Variants in PRMT1 observed in about 807,000 individuals in gnomAD.
PRMT1 encodes the protein protein arginine methyltransferase 1.
PRMT1 carries 5 observed loss-of-function variants against 47.4 expected under a neutral mutation model. That is an observed-to-expected ratio of 0.11 (90% CI 0.06 to 0.22). The LOEUF (loss-of-function observed/expected upper bound fraction) is 0.22. Ranked by LOEUF, PRMT1 falls within the 10% of genes least tolerant of loss-of-function variation. The probability of loss-of-function intolerance (pLI) is 1.00; values close to 1 mark genes in which losing one functional copy is unlikely to be tolerated. For missense variants in PRMT1, 249 were observed against 518.4 expected, an observed-to-expected ratio of 0.48 and a Z score of 5.05; for synonymous variants, 227 against 204.6, an observed-to-expected ratio of 1.11 and a Z score of -0.94.
At chr19:49,683,271 G>A (rs933196524) in intron 5 of PRMT1, among the ~76,000 whole-genome samples, 2 of 152,038 alleles carry the variant, frequency 1.3e-5, no homozygotes, top group Non-Finnish European at 2.9e-5. Flanking sequence ...TCCATTTGAA[G>A]CAAATTCCCA....
rs1395316471 is a variant in PRMT1, at chr19:49,681,064, T to A, written c.192+476T>A. ...ATATGCATAAAATTGCCATTTTTTA[T>A]TTTTAGAGACGGTCTCGCTCTGTCG... On this transcript the variant is annotated intron_variant, in intron 3 of 10. Coordinates refer to ENST00000454376, the MANE Select transcript of PRMT1 (RefSeq NM_001536.6). The surrounding 1 kb of genome is among the most constrained non-coding windows in gnomAD (Gnocchi z 4.4). 6.6e-6 allele frequency among the ~76,000 whole-genome samples: 1 copy of A among 152,162 alleles called. No homozygotes were observed. The highest frequency in any genetic ancestry group is 2.4e-5 in the African/African-American group (1 of 41,408).
Position 49,680,830 on chromosome 19 carries a change from G to A in PRMT1, c.192+242G>A, listed in dbSNP as rs569214185. Among the ~76,000 whole-genome samples the A allele has an allele frequency of 2.4e-4, 37 of 152,318 alleles. No homozygotes were observed. The highest frequency in any genetic ancestry group is 8.2e-4 in the African/African-American group (34 of 41,574). On this transcript the variant is annotated intron_variant, in intron 3 of 10. Transcript: ENST00000454376. The surrounding 1 kb of genome is among the most constrained non-coding windows in gnomAD (Gnocchi z 4.2). ...GGGTGGGAGAGCGCATGCGTGCCTG[G>A]GGCCTTAGCCAGAGGTCGGGCAGGG...
Position 49,684,756 on chromosome 19 carries a change from G to A in PRMT1, c.558G>A (p.Ala186=), listed in dbSNP as rs758220423. The A allele has an allele frequency of 3.5e-5, 54 of 1,553,854 alleles. No individual in the cohort carries two copies. The highest frequency in any genetic ancestry group is 1.2e-4 in the Admixed American group (6 of 51,156). Residue 186 remains alanine (A), a splice_region_variant and synonymous_variant, in exon 7 of 11, where the codon GCG becomes GCA. Coordinates refer to ENST00000454376, the MANE Select transcript of PRMT1 (RefSeq NM_001536.6). This position sits in a 1 kb window ranked among gnomAD's most constrained non-coding sequence, Gnocchi z 6.2. The part of the protein sequence containing the change: ...TVLYARDKWL[A]PDGLIFPDRA... Reference sequence around the variant, plus strand: ...TGCCTCGCCCTGCCCCTCTGTAGGCGCCCGATGGCCTCATCTTCCCAGACC... The same window carrying A: ...TGCCTCGCCCTGCCCCTCTGTAGGCACCCGATGGCCTCATCTTCCCAGACC...
chr19:49,679,490 T>G (rs2082083437), intron 1 of PRMT1: 1 of 513,092 alleles, frequency 1.9e-6, no homozygotes, highest in Non-Finnish European at 3.8e-6. Flanking sequence ...AGGATAGGGG[T>G]GTGTGTGTCA....
In PRMT1 at chr19:49,679,706, C is replaced by T. The variant is rs111390513; in HGVS notation, c.37-166C>T. ...TTCTTCTCCCCTCACTTTTCCCACC[C>T]TTTCTTAAACACCCCACCTCATTAC... On this transcript the variant is annotated intron_variant, in intron 1 of 10. Transcript: ENST00000454376. The T allele has an allele frequency of 4.2e-5, 28 of 670,012 alleles. No homozygotes were observed. In the African/African-American group the frequency reaches 4.4e-4, roughly 11 times the overall value. The allele number at this position is 670,012 out of a possible 1,614,324, so 41.5% of individuals were successfully genotyped here.
chr19:49,686,351 C>T (rs770026410), intron 9 of PRMT1, 108 bp downstream of exon 9: 206 of 1,409,776 alleles, frequency 1.5e-4, no homozygotes, highest in East Asian at 2.0e-4. Flanking sequence ...TGGGGACACG[C>T]GTGTTCCAGT....
At position 49,685,285 on chromosome 19, in the gene PRMT1, C is replaced by G; in HGVS notation, c.759+248C>G. On this transcript the variant is annotated intron_variant, in intron 8 of 10. Coordinates refer to ENST00000454376, the MANE Select transcript of PRMT1 (RefSeq NM_001536.6). The surrounding 1 kb of genome is among the most constrained non-coding windows in gnomAD (Gnocchi z 4.7). The stretch of plus-strand genomic sequence containing the variant: ...CGGAGGAAACACCCAAAGCTGGCAG[C>G]TAAAGCCCACAGCCCATGCACGGAA... The G allele has an allele frequency of 7.0e-7, 1 of 1,430,012 alleles. No homozygotes were observed. The highest frequency in any genetic ancestry group is 1.4e-5 in the South Asian group (1 of 71,488). 88.6% of individuals were successfully genotyped at this position (1,430,012 alleles called of 1,614,324 possible).
intron 5 of PRMT1, 73 bp from the exon 6 acceptor site, chr19:49,683,854 C>T: frequency 6.4e-7 from 1 of 1,551,682 alleles, no homozygotes; most frequent in Non-Finnish European, 8.7e-7. Flanking sequence ...TCCCCAGGCT[C>T]TAGCCCCCGG....
Position 49,685,589 on chromosome 19 carries a change from T to C in PRMT1, c.760-504T>C. 2.0e-6 allele frequency: 2 copies of C among 1,014,480 alleles called. No individual in the cohort carries two copies. The highest frequency in any genetic ancestry group is 2.4e-6 in the Non-Finnish European group (2 of 848,976). 62.8% of individuals were successfully genotyped at this position (1,014,480 alleles called of 1,614,324 possible). On this transcript the variant is annotated intron_variant, in intron 8 of 10. Coordinates refer to ENST00000454376, the MANE Select transcript of PRMT1 (RefSeq NM_001536.6). The surrounding 1 kb of genome is among the most constrained non-coding windows in gnomAD (Gnocchi z 4.7). ...GATGAGTATTTGTTGAGCTGGGATG[T>C]GTGAGCCGGGTGAAGCTGGGTGGCT...
In PRMT1 at chr19:49,685,197, C is replaced by G. The variant is rs746171988; in HGVS notation, c.759+160C>G. ...TGCTAGAGGCCCAGGAAAGACACTT[C>G]GTCCTTTAAATATCTTTGTGAGCGC... On this transcript the variant is annotated intron_variant, in intron 8 of 10. Coordinates refer to ENST00000454376, the MANE Select transcript of PRMT1 (RefSeq NM_001536.6). The surrounding 1 kb of genome is among the most constrained non-coding windows in gnomAD (Gnocchi z 4.7). The G allele has an allele frequency of 2.0e-5, 30 of 1,536,724 alleles. No homozygotes were observed. In the Middle Eastern group the frequency reaches 1.0e-3, roughly 51 times the overall value.
chr19:49,684,705 G>A lies in PRMT1; in HGVS notation c.556-49G>A. Reference sequence around the variant, plus strand: ...CCACATCTTGGAGGCAAGACTCAGGGTAGTGTTGCCAGGCCCCACCCTTCA... The same window carrying A: ...CCACATCTTGGAGGCAAGACTCAGGATAGTGTTGCCAGGCCCCACCCTTCA... On this transcript the variant is annotated intron_variant, in intron 6 of 10. Coordinates refer to ENST00000454376, the MANE Select transcript of PRMT1 (RefSeq NM_001536.6). The surrounding 1 kb of genome is among the most constrained non-coding windows in gnomAD (Gnocchi z 6.2). The A allele has an allele frequency of 6.6e-7, 1 of 1,526,654 alleles. No homozygotes were observed. Among genetic ancestry groups the A allele is most frequent in the Non-Finnish European group, 8.9e-7 (1 of 1,127,156 alleles). 94.6% of individuals were successfully genotyped at this position (1,526,654 alleles called of 1,614,324 possible).
chr19:49,679,351 G>A (rs2082081563), intron 1 of PRMT1, among the ~76,000 whole-genome samples: 2 of 152,176 alleles, frequency 1.3e-5, no homozygotes, highest in South Asian at 4.1e-4. Context: ...TACTAGCTCT[G>A]GGGAAGTACC....
rs755506628 is a variant in PRMT1 at position 49,683,969 on chromosome 19, C to T, written c.455C>T (p.Pro152Leu). The stretch of plus-strand genomic sequence containing the variant: ...GGGAAGGTGGAGGAGGTGGAGCTCC[C>T]AGTGGAGAAGGTGGACATCATCATC... The part of the protein sequence containing the change: ...IKGKVEEVEL[P>L]VEKVDIIISE... The change falls in exon 6 of 11, where the codon CCA becomes CTA. Residue 152 changes from proline (P) to leucine (L), a missense_variant. This residue lies in a region of PRMT1 where 190 missense variants were observed against 456.7 expected (regional missense o/e 0.42). Transcript: ENST00000454376. 4 of 1,613,926 alleles carry T rather than the reference C, an allele frequency of 2.5e-6. No homozygotes were observed. In the Admixed American group the frequency reaches 6.7e-5, roughly 27 times the overall value.
chr19:49,682,655 T>C (rs1404942371), intron 5 of PRMT1, among the ~76,000 whole-genome samples: 1 of 152,156 alleles, frequency 6.6e-6, no homozygotes, highest in African/African-American at 2.4e-5. Flanking sequence ...TTCACGCCAG[T>C]AGCATTTCAT....
chr19:49,685,192 C>G lies in PRMT1; in HGVS notation c.759+155C>G, dbSNP rs1346877559. On this transcript the variant is annotated intron_variant, in intron 8 of 10. Coordinates refer to ENST00000454376, the MANE Select transcript of PRMT1 (RefSeq NM_001536.6). This position sits in a 1 kb window ranked among gnomAD's most constrained non-coding sequence, Gnocchi z 4.7. ...GGTGGTGCTAGAGGCCCAGGAAAGA[C>G]ACTTCGTCCTTTAAATATCTTTGTG... is the stretch of plus-strand genomic sequence containing the variant. 4 of 1,539,410 alleles carry G rather than the reference C, an allele frequency of 2.6e-6. No individual in the cohort carries two copies. In the South Asian group the frequency reaches 4.8e-5, roughly 18 times the overall value.
At position 49,683,643 on chromosome 19, in the gene PRMT1, A is replaced by C. The variant is rs541733196; in HGVS notation, c.413-284A>C. The C allele has an allele frequency of 8.3e-5, 25 of 299,924 alleles. 1 individual carries two copies. Among genetic ancestry groups the C allele is most frequent in the Middle Eastern group, 1.1e-3 (1 of 890 alleles). The allele number at this position is 299,924 out of a possible 1,614,324, so 18.6% of individuals were successfully genotyped here. A position where few individuals can be genotyped will look rare whatever the true frequency, so the allele number is the denominator to read the frequency against. On this transcript the variant is annotated intron_variant, in intron 5 of 10. Coordinates refer to ENST00000454376, the MANE Select transcript of PRMT1 (RefSeq NM_001536.6). ...GCGGAGGTTGCAGTGAGCTGAGATCACGCCACTGCACTCCAGCCTGGGTGA... is the reference window on the plus strand; with the variant it reads ...GCGGAGGTTGCAGTGAGCTGAGATCCCGCCACTGCACTCCAGCCTGGGTGA...
chr19:49,676,841 G>A (rs896552334), upstream of PRMT1, among the ~76,000 whole-genome samples: 9 of 152,236 alleles, frequency 5.9e-5, no homozygotes, highest in Non-Finnish European at 8.8e-5. Context: ...GCGTGACGTC[G>A]CTTCCGGATA....
intron 1 of PRMT1, among the ~76,000 whole-genome samples, chr19:49,679,154 G>T (rs1481406418): frequency 6.6e-6 from 1 of 152,066 alleles, no homozygotes; most frequent in Non-Finnish European, 1.5e-5. Flanking sequence ...AAAGTGCCGG[G>T]ATTGCAGGTG....
rs1321345484 is a variant in PRMT1 at position 49,685,048 on chromosome 19, G to A, written c.759+11G>A. On this transcript the variant is annotated intron_variant, in intron 8 of 10. Coordinates refer to ENST00000454376, the MANE Select transcript of PRMT1 (RefSeq NM_001536.6). The surrounding 1 kb of genome is among the most constrained non-coding windows in gnomAD (Gnocchi z 4.7). ...GCCTGCCTCATAAAGGTGAGGGGGT[G>A]GGCATGGCCAGGTGCCCCCTGGGTT... is the stretch of plus-strand genomic sequence containing the variant. 6.2e-7 allele frequency: 1 copy of A among 1,614,022 alleles called. No individual in the cohort carries two copies. Among genetic ancestry groups the A allele is most frequent in the East Asian group, 2.2e-5 (1 of 44,900 alleles).
Sources: allele counts gnomAD v4.1 joint callset (sites outside exome capture counted in the v4.1 genomes callset), GRCh38; gene constraint gnomAD v4.1.1; regional missense constraint gnomAD v4.1.1; non-coding constraint Gnocchi (gnomAD v3.1); transcripts MANE v1.5; gene names NCBI Gene and HGNC (gene_info 2026-07-23, HGNC 2026-07-21).